Variants in SHQ1 observed in about 807,000 individuals in gnomAD.
SHQ1 encodes protein SHQ1 homolog.
Under a neutral mutation model 53.8 loss-of-function variants are expected in SHQ1, and 49 were observed. The ratio of observed to expected loss-of-function variants is 0.91; its 90% CI spans 0.72 to 1.16. The LOEUF (loss-of-function observed/expected upper bound fraction) is 1.16. Ranked by LOEUF, SHQ1 falls within the 50% of genes most tolerant of loss-of-function variation. SHQ1 has a pLI of 0.00. For synonymous variants in SHQ1, 243 were observed against 251.0 expected, an observed-to-expected ratio of 0.97 and a Z score of 0.30; for missense variants, 738 against 683.1, an observed-to-expected ratio of 1.08 and a Z score of -0.90.
chr3:72,804,968 G>A (rs1559680606), intron 9 of SHQ1, among the ~76,000 whole-genome samples: 1 of 152,136 alleles, frequency 6.6e-6, no homozygotes, highest in African/African-American at 2.4e-5. Context: ...TCATGTGAAC[G>A]TCACAGAATG....
intron 5 of SHQ1, among the ~76,000 whole-genome samples, chr3:72,825,136 C>A (rs932472313): frequency 1.3e-5 from 2 of 152,074 alleles, no homozygotes; most frequent in Non-Finnish European, 2.9e-5. Context: ...ACATAGAAGA[C>A]TGGTCCTACC....
At chr3:72,753,803 C>T (rs1036615550) in intron 10 of SHQ1, among the ~76,000 whole-genome samples, 1 of 152,180 alleles carries the variant, frequency 6.6e-6, no homozygotes, top group Non-Finnish European at 1.5e-5. Flanking sequence ...ACGGCTGCAA[C>T]ATAATTTGCA....
intron 4 of SHQ1, among the ~76,000 whole-genome samples, chr3:72,839,210 G>A (rs112952738): frequency 4.6e-5 from 7 of 152,262 alleles, no homozygotes; most frequent in African/African-American, 9.6e-5. Flanking sequence ...CATGTACAGC[G>A]TTAGATTGGC....
chr3:72,792,837 G>A (rs919019938), intron 10 of SHQ1, 79 bp downstream of exon 10: 19 of 723,490 alleles, frequency 2.6e-5, no homozygotes, highest in Middle Eastern at 4.9e-4. Context: ...AGGTTATTTC[G>A]TTTTCTTCCT....
At chr3:72,788,302 G>A (rs1262234466) in intron 10 of SHQ1, among the ~76,000 whole-genome samples, 1 of 151,956 alleles carries the variant, frequency 6.6e-6, no homozygotes, top group Non-Finnish European at 1.5e-5. Context: ...TCTGGGAAGT[G>A]AGGAGCGCCT....
At chr3:72,746,713 C>T (rs1265463456), downstream of SHQ1, among the ~76,000 whole-genome samples, 2 of 152,140 alleles carry the variant, frequency 1.3e-5, no homozygotes, top group Non-Finnish European at 2.9e-5. Flanking sequence ...CAAGACAAGT[C>T]TCACTGAAGT....
intron 10 of SHQ1, among the ~76,000 whole-genome samples, chr3:72,790,323 T>C (rs1269348268): frequency 1.3e-5 from 2 of 152,252 alleles, no homozygotes; most frequent in Admixed American, 6.5e-5. Context: ...TACGTTTCAA[T>C]AGGTTTTTGC....
At chr3:72,787,650 A>T (rs1053375014) in intron 10 of SHQ1, among the ~76,000 whole-genome samples, 4 of 152,206 alleles carry the variant, frequency 2.6e-5, no homozygotes, top group Non-Finnish European at 5.9e-5. Context: ...AAAACAGGCT[A>T]CAGAATGGTA....
downstream of SHQ1, among the ~76,000 whole-genome samples, chr3:72,745,150 T>G (rs1207118529): frequency 1.3e-5 from 2 of 151,772 alleles, no homozygotes; most frequent in Non-Finnish European, 2.9e-5. Context: ...GAGTCTGGTT[T>G]TTTTTTTTAA....
chr3:72,805,387 T>C (rs964295045), intron 9 of SHQ1, among the ~76,000 whole-genome samples: 1 of 152,166 alleles, frequency 6.6e-6, no homozygotes, highest in Non-Finnish European at 1.5e-5. Context: ...TAGGGTCAAA[T>C]AGAAGGTTTT....
At chr3:72,773,167 TAAA>T in intron 10 of SHQ1, 1 of 740,560 alleles carries the variant, frequency 1.4e-6, no homozygotes, top group Non-Finnish European at 2.5e-6. Context: ...GAAAAAGACA[TAAA>T]AAACCAGTCC....
chr3:72,824,597 C>A, intron 5 of SHQ1, 46 bp from the exon 6 acceptor site: 1 of 1,560,640 alleles, frequency 6.4e-7, no homozygotes, highest in Non-Finnish European at 8.6e-7. Flanking sequence ...ATTTCACTGG[C>A]TTTTACTTTT....
Position 72,824,674 on chromosome 3 carries a change from A to G in SHQ1, c.600-123T>C, listed in dbSNP as rs891082509. 5 of 1,146,074 alleles carry G rather than the reference A, an allele frequency of 4.4e-6. No individual in the cohort carries two copies. The African/African-American group carries it at 7.9e-5, about 18-fold the overall frequency. The allele number at this position is 1,146,074 out of a possible 1,614,324, so 71.0% of individuals were successfully genotyped here. ...TTTTAATTCAAAGTACATTTCAAGG[A>G]AAGACTGAACACTATATTTACTTTC... On this transcript the variant is annotated intron_variant, in intron 5 of 10. Coordinates refer to ENST00000325599, the MANE Select transcript of SHQ1 (RefSeq NM_018130.3).
chr3:72,751,539 T>TATATATATATATATATAC (rs1456991894), intron 10 of SHQ1, among the ~76,000 whole-genome samples: 8 of 120,184 alleles, frequency 6.7e-5, no homozygotes, highest in African/African-American at 2.2e-4. Flanking sequence ...TACATATACA[T>TATATATATATATATATAC]ACACTAATAA....
At chr3:72,773,199 T>C (rs1705891626) in intron 10 of SHQ1, 1 of 727,668 alleles carries the variant, frequency 1.4e-6, no homozygotes, top group Admixed American at 1.8e-5. Flanking sequence ...CAGGAGCAAG[T>C]AGAACACTAC....
rs1559662676 is a variant in SHQ1 at position 72,765,559 on chromosome 3, T to TA, written c.1182-14724_1182-14723insT. On this transcript the variant is annotated intron_variant, in intron 10 of 10. Transcript: ENST00000325599. Reference sequence around the variant, plus strand: ...TATATATATATATATATATATATATTTTTTTTTTTTTTTTGAGACAGTCTC... The same window carrying TA: ...TATATATATATATATATATATATATTATTTTTTTTTTTTTTGAGACAGTCTC... Among the ~76,000 whole-genome samples, 338 of 98,892 alleles carry TA rather than the reference T, an allele frequency of 3.4e-3. 1 individual carries two copies. Among genetic ancestry groups the TA allele is most frequent in the African/African-American group, 0.016 (246 of 15,328 alleles). The allele number at this position is 98,892 out of a possible 152,430, so 64.9% of individuals were successfully genotyped here. A position where few individuals can be genotyped will look rare whatever the true frequency, so the allele number is the denominator to read the frequency against.
rs1274696079 is a variant in SHQ1, at chr3:72,751,498, G to GTACATATATATATATA, written c.1182-663_1182-662insTATATATATATATGTA. On this transcript the variant is annotated intron_variant, in intron 10 of 10. Transcript: ENST00000325599. ...CATATGTGTGTGTGTGTGTGTGTGT[G>GTACATATATATATATA]TGTGTGTGTGTATATATATATATAT... Among the ~76,000 whole-genome samples the GTACATATATATATATA allele has an allele frequency of 4.0e-4, 48 of 119,858 alleles. 1 individual carries two copies. Among genetic ancestry groups the GTACATATATATATATA allele is most frequent in the Non-Finnish European group, 5.3e-4 (32 of 60,768 alleles). The allele number at this position is 119,858 out of a possible 152,430, so 78.6% of individuals were successfully genotyped here. A position where few individuals can be genotyped will look rare whatever the true frequency, so the allele number is the denominator to read the frequency against.
chr3:72,792,543 T>C (rs1005249181), intron 10 of SHQ1, among the ~76,000 whole-genome samples: 1 of 152,224 alleles, frequency 6.6e-6, no homozygotes, highest in Admixed American at 6.5e-5. Context: ...CCCAGCACTC[T>C]GGGAGGCCGA....
rs1475996313 is a variant in SHQ1, at chr3:72,841,092, G to A, written c.439C>T (p.His147Tyr). ...VSESALNPQCHYGFGNLRSGV... is the reference protein window; with the variant it reads ...VSESALNPQCYYGFGNLRSGV... ...GATCGTAAGTTTCCAAATCCATAGT[G>A]GCACTGCGGATTCAAAGCACTTTCT... The change falls in exon 4 of 11, where the codon CAC becomes TAC. Residue 147 changes from histidine (H) to tyrosine (Y), a missense_variant. Physicochemically the swap from His to Tyr is moderately conservative, Grantham distance 83. Coordinates refer to ENST00000325599, the MANE Select transcript of SHQ1 (RefSeq NM_018130.3). 4.3e-6 allele frequency: 7 copies of A among 1,613,864 alleles called. No individual in the cohort carries two copies. In the East Asian group the frequency reaches 1.6e-4, roughly 36 times the overall value.
Sources: gnomAD v4.1 joint callset for allele counts (sites outside exome capture counted in the v4.1 genomes callset) on GRCh38, gnomAD v4.1.1 for gene constraint, MANE v1.5 for transcripts, NCBI Gene and HGNC (gene_info 2026-07-23, HGNC 2026-07-21) for gene names.